Variants in ATP10A observed in about 807,000 individuals in gnomAD.
The protein encoded by ATP10A is phospholipid-transporting ATPase VA.
In ATP10A, 111 loss-of-function variants were observed where a neutral mutation model predicts 147.8. That is an observed-to-expected ratio of 0.75 (90% CI 0.64 to 0.88). The LOEUF (loss-of-function observed/expected upper bound fraction) is 0.88, where lower values mean the gene tolerates loss of function less well. ATP10A is among the 40% of genes least tolerant of loss of function. The probability of loss-of-function intolerance (pLI) is 0.00; values close to 1 mark genes in which losing one functional copy is unlikely to be tolerated. For synonymous variants in ATP10A, 875 were observed against 841.6 expected, an observed-to-expected ratio of 1.04 and a Z score of -0.69; for missense variants, 1,927 against 1,959.0, an observed-to-expected ratio of 0.98 and a Z score of 0.31.
chr15:25,691,853 T>A lies in ATP10A; in HGVS notation c.3089-62A>T, dbSNP rs368361962. ...TAGAAACAGCACAGAATCAAATCAA[T>A]GTGCTAGATTTTCTTGGGAGTCCCC... On this transcript the variant is annotated intron_variant, in intron 14 of 20. Transcript: ENST00000555815. 269 of 1,604,998 alleles carry A rather than the reference T, an allele frequency of 1.7e-4. 1 individual carries two copies. The highest frequency in any genetic ancestry group is 1.5e-3 in the Middle Eastern group (9 of 6,044).
chr15:25,721,576 G>C (rs1902230675), intron 7 of ATP10A, 81 bp downstream of exon 7: 1 of 1,324,620 alleles, frequency 7.5e-7, no homozygotes, highest in Non-Finnish European at 1.1e-6. Flanking sequence ...GTGTGTGTGT[G>C]TGTGTGTGTC....
chr15:25,840,449 C>A (rs4349118), intron 1 of ATP10A, among the ~76,000 whole-genome samples: 3 of 151,576 alleles, frequency 2.0e-5, no homozygotes. Flanking sequence ...CAAAATCTCC[C>A]TGAGGCCCAT....
chr15:25,853,767 G>A (rs1016597486), intron 1 of ATP10A, among the ~76,000 whole-genome samples: 17 of 152,090 alleles, frequency 1.1e-4, no homozygotes, highest in Non-Finnish European at 1.6e-4. Context: ...GGCTTCAAAG[G>A]CCACTGAAAG....
At chr15:25,858,481 G>A (rs1335891943) in intron 1 of ATP10A, among the ~76,000 whole-genome samples, 1 of 152,104 alleles carries the variant, frequency 6.6e-6, no homozygotes, top group Non-Finnish European at 1.5e-5. Context: ...AAAAGCCCTG[G>A]CAGAAAAGAA....
chr15:25,845,494 G>A (rs1369125147), intron 1 of ATP10A, among the ~76,000 whole-genome samples: 1 of 152,070 alleles, frequency 6.6e-6, no homozygotes, highest in African/African-American at 2.4e-5. Flanking sequence ...CAGAGAGCAG[G>A]GCCTTACAAG....
At chr15:25,702,829 G>T (rs1259907490) in intron 12 of ATP10A, among the ~76,000 whole-genome samples, 1 of 151,286 alleles carries the variant, frequency 6.6e-6, no homozygotes, top group Non-Finnish European at 1.5e-5. Context: ...GAAGTGAGCT[G>T]CAGCCCTGGT....
At chr15:25,786,804 T>G (rs947064920) in intron 1 of ATP10A, among the ~76,000 whole-genome samples, 1 of 148,968 alleles carries the variant, frequency 6.7e-6, no homozygotes, top group Non-Finnish European at 1.5e-5. Context: ...TTTTTTTTTT[T>G]TTTTGTATTT....
intron 2 of ATP10A, among the ~76,000 whole-genome samples, chr15:25,740,656 G>A (rs1042507809): frequency 5.3e-5 from 8 of 152,192 alleles, no homozygotes; most frequent in South Asian, 2.1e-4. Context: ...TTGACATCAC[G>A]CCTGGACATG....
chr15:25,850,708 A>C (rs1893256641), intron 1 of ATP10A, among the ~76,000 whole-genome samples: 2 of 85,400 alleles, frequency 2.3e-5, no homozygotes, highest in East Asian at 7.5e-4. Flanking sequence ...ACCACCCCCC[A>C]AGACCTGGCC....
At chr15:25,681,856 A>G (rs1035746493) in intron 17 of ATP10A, among the ~76,000 whole-genome samples, 3 of 152,168 alleles carry the variant, frequency 2.0e-5, no homozygotes, top group African/African-American at 7.2e-5. Flanking sequence ...GATCGAGACC[A>G]TCCTGGTTAA....
chr15:25,778,831 C>G (rs72705882), intron 2 of ATP10A, among the ~76,000 whole-genome samples: 1 of 151,984 alleles, frequency 6.6e-6, no homozygotes, highest in African/African-American at 2.4e-5. Flanking sequence ...ACTGTAGATA[C>G]GACTGGGTTC....
chr15:25,716,689 CAGA>C, intron 9 of ATP10A, 38 bp downstream of exon 9: 1 of 1,491,520 alleles, frequency 6.7e-7, no homozygotes, highest in Non-Finnish European at 9.0e-7. Flanking sequence ...GCCCGCAGCG[CAGA>C]AGGTCAAGGT....
intron 2 of ATP10A, among the ~76,000 whole-genome samples, chr15:25,752,853 T>C (rs900956436): frequency 2.0e-5 from 3 of 152,178 alleles, no homozygotes; most frequent in Non-Finnish European, 4.4e-5. Flanking sequence ...CGTTTTATAG[T>C]TTTCAGTATA....
rs566530990 is a variant in ATP10A at position 25,862,889 on chromosome 15, T to G, written c.208A>C (p.Thr70Pro). The change falls in exon 1 of 21, where the codon ACG becomes CCG. Residue 70 changes from threonine (T) to proline (P), a missense_variant. Coordinates refer to ENST00000555815, the MANE Select transcript of ATP10A (RefSeq NM_024490.4). ...TTCTTGGGCAGGAAGGACAGCAGCG[T>G]GTACTTGGTAGTCTTGAGCCGGTTG... Reference protein sequence around the residue: ...ADNRLKTTKYTLLSFLPKNLF... With the variant: ...ADNRLKTTKYPLLSFLPKNLF... 1 of 1,611,982 alleles carries G rather than the reference T, an allele frequency of 6.2e-7. No individual in the cohort carries two copies. Among genetic ancestry groups the G allele is most frequent in the East Asian group, 2.2e-5 (1 of 44,788 alleles).
intron 13 of ATP10A, among the ~76,000 whole-genome samples, chr15:25,700,377 G>A (rs1234278292): frequency 6.6e-6 from 1 of 152,202 alleles, no homozygotes; most frequent in African/African-American, 2.4e-5. Flanking sequence ...ACAAAAACCT[G>A]TATACACACA....
rs190327204 is a variant in ATP10A, at chr15:25,779,191, T to G, written c.654+1828A>C. On this transcript the variant is annotated intron_variant, in intron 2 of 20. Transcript: ENST00000555815. ...CATGCCCAGTAGAGGAAGTTATTCT[T>G]GAGAGTTGATCAAGGAGATCTATCT... Among the ~76,000 whole-genome samples the G allele has an allele frequency of 2.1e-3, 322 of 152,312 alleles. 1 individual carries two copies. The highest frequency in any genetic ancestry group is 7.4e-3 in the African/African-American group (308 of 41,574).
At chr15:25,710,808 G>A (rs1901362219) in intron 10 of ATP10A, 1 of 152,238 alleles carries the variant, frequency 6.6e-6, no homozygotes. Flanking sequence ...AAGGCAGAGT[G>A]GCCTGAGGTT....
downstream of ATP10A, among the ~76,000 whole-genome samples, chr15:25,675,591 G>A (rs1317723123): frequency 6.6e-6 from 1 of 151,916 alleles, no homozygotes; most frequent in African/African-American, 2.4e-5. Context: ...TGGGAGGGAG[G>A]GAGCAACCAG....
In ATP10A at chr15:25,699,652, T is replaced by C. The variant is rs76060345; in HGVS notation, c.2760+2264A>G. 4.6e-5 allele frequency among the ~76,000 whole-genome samples: 7 copies of C among 152,250 alleles called. No individual in the cohort carries two copies. The East Asian group carries it at 1.2e-3, about 25-fold the overall frequency. On this transcript the variant is annotated intron_variant, in intron 13 of 20. Transcript: ENST00000555815. Reference sequence around the variant, plus strand: ...GAGAGGCCGAGGCAGGACAATCACTTGAGTTCAGGATTTTGACACCAGCCT... The same window carrying C: ...GAGAGGCCGAGGCAGGACAATCACTCGAGTTCAGGATTTTGACACCAGCCT...
Sources: allele counts gnomAD v4.1 joint callset (sites outside exome capture counted in the v4.1 genomes callset), GRCh38; gene constraint gnomAD v4.1.1; transcripts MANE v1.5; gene names NCBI Gene and HGNC (gene_info 2026-07-23, HGNC 2026-07-21).